CTNNA2: variants seen among roughly 807,000 people sequenced by gnomAD.
CTNNA2 encodes catenin alpha 2, also known as catenin alpha-2.
Under a neutral mutation model 101.0 loss-of-function variants are expected in CTNNA2, and 42 were observed. The observed-to-expected ratio is 0.42, with a 90% CI of 0.32 to 0.54. CTNNA2 has a LOEUF of 0.54. Ranked by LOEUF, CTNNA2 falls within the 20% of genes least tolerant of loss-of-function variation. The pLI is 0.14. For synonymous variants in CTNNA2, 450 were observed against 456.4 expected, an observed-to-expected ratio of 0.99 and a Z score of 0.18; for missense variants, 871 against 1,223.1, an observed-to-expected ratio of 0.71 and a Z score of 4.29.
intron 9 of CTNNA2, among the ~76,000 whole-genome samples, chr2:80,422,639 A>T (rs1000902858): frequency 2.6e-5 from 4 of 152,202 alleles, no homozygotes; most frequent in Non-Finnish European, 2.9e-5. Flanking sequence ...AAATACTTTT[A>T]AAAAACTATG....
At chr2:79,534,234 G>A (rs1246012642) in intron 1 of CTNNA2, among the ~76,000 whole-genome samples, 1 of 151,770 alleles carries the variant, frequency 6.6e-6, no homozygotes, top group Non-Finnish European at 1.5e-5. Context: ...TTATTTTATG[G>A]CTACATTTTA....
At chr2:80,445,570 G>A (rs1279632914) in intron 9 of CTNNA2, among the ~76,000 whole-genome samples, 3 of 152,122 alleles carry the variant, frequency 2.0e-5, no homozygotes, top group Non-Finnish European at 4.4e-5. Context: ...GTCACCAAGG[G>A]GAACATAGTA....
intron 2 of CTNNA2, among the ~76,000 whole-genome samples, chr2:79,280,623 CTGTGTGTGTGTGTG>C (rs369268407): frequency 1.5e-5 from 2 of 129,094 alleles, no homozygotes; most frequent in African/African-American, 3.1e-5. Context: ...ATCCTGTATG[CTGTGTGTGTGTGTG>C]TGTGTGTGTG....
At chr2:79,934,746 C>T (rs1237535674) in intron 7 of CTNNA2, among the ~76,000 whole-genome samples, 1 of 152,142 alleles carries the variant, frequency 6.6e-6, no homozygotes, top group Non-Finnish European at 1.5e-5. Context: ...CTCATTTCCC[C>T]CCAAAAAAGA....
intron 4 of CTNNA2, among the ~76,000 whole-genome samples, chr2:79,404,164 G>C (rs1462510272): frequency 2.0e-5 from 3 of 151,712 alleles, no homozygotes; most frequent in Non-Finnish European, 4.4e-5. Context: ...AAGGGCAATA[G>C]TGTACATTGG....
intron 9 of CTNNA2, among the ~76,000 whole-genome samples, chr2:80,496,998 G>T (rs1171180116): frequency 6.6e-6 from 1 of 152,108 alleles, no homozygotes; most frequent in Non-Finnish European, 1.5e-5. Flanking sequence ...TGAACGAAGC[G>T]CCTGAAAGAA....
At chr2:79,576,680 T>G (rs994254486) in intron 1 of CTNNA2, among the ~76,000 whole-genome samples, 2 of 152,180 alleles carry the variant, frequency 1.3e-5, no homozygotes, top group African/African-American at 4.8e-5. Context: ...TGCTTTTCTC[T>G]CATGCTAGAA....
intron 2 of CTNNA2, among the ~76,000 whole-genome samples, chr2:79,738,071 T>G (rs1486645707): frequency 2.6e-5 from 4 of 152,220 alleles, no homozygotes; most frequent in African/African-American, 7.2e-5. Context: ...ACCGCCATTG[T>G]GCAGGAGTGG....
intron 3 of CTNNA2, among the ~76,000 whole-genome samples, chr2:79,321,183 G>C (rs1485405482): frequency 6.6e-6 from 1 of 152,114 alleles, no homozygotes; most frequent in African/African-American, 2.4e-5. Flanking sequence ...ATGTTAATGA[G>C]ATTATTCCCA....
At chr2:79,409,826 A>G (rs1284487998) in intron 4 of CTNNA2, among the ~76,000 whole-genome samples, 1 of 150,810 alleles carries the variant, frequency 6.6e-6, no homozygotes, top group Non-Finnish European at 1.5e-5. Context: ...GTTTTTTTCC[A>G]ATTCTGTGAA....
At chr2:80,512,416 ACT>A (rs888812823) in intron 9 of CTNNA2, among the ~76,000 whole-genome samples, 1 of 152,038 alleles carries the variant, frequency 6.6e-6, no homozygotes, top group African/African-American at 2.4e-5. Context: ...CATGGCTGAG[ACT>A]CTGGCTGTGT....
chr2:79,592,641 C>T (rs1222445913), intron 1 of CTNNA2, among the ~76,000 whole-genome samples: 1 of 152,234 alleles, frequency 6.6e-6, no homozygotes, highest in Admixed American at 6.5e-5. Context: ...GAGTAAAAAA[C>T]CTGGCTTGTG....
chr2:79,817,424 A>T (rs12477562), intron 3 of CTNNA2, among the ~76,000 whole-genome samples: 33,651 of 149,678 alleles, frequency 0.22, 3,929 homozygotes, highest in East Asian at 0.32. Flanking sequence ...TTGCCATAGA[A>T]TAAGTAGCCT....
intron 7 of CTNNA2, among the ~76,000 whole-genome samples, chr2:80,132,192 G>A (rs1188799158): frequency 6.6e-6 from 1 of 152,112 alleles, no homozygotes; most frequent in Non-Finnish European, 1.5e-5. Context: ...CGTACTGTTA[G>A]CTAGAGCACT....
At chr2:79,656,736 C>T (rs1374765697) in intron 2 of CTNNA2, among the ~76,000 whole-genome samples, 3 of 151,812 alleles carry the variant, frequency 2.0e-5, no homozygotes, top group Non-Finnish European at 4.4e-5. Flanking sequence ...AGTGTCTGAA[C>T]TTTTTATAAA....
rs186199681 is a variant in CTNNA2 at position 79,794,566 on chromosome 2, A to C, written c.298+49984A>C. On this transcript the variant is annotated intron_variant, in intron 3 of 18. Transcript: ENST00000402739. ...CTGCCTTTTCTTTCTTTCTTTATTT[A>C]TTTTGCAGTAACAAAACTTATCATA... Among the ~76,000 whole-genome samples the C allele has an allele frequency of 4.7e-4, 71 of 152,102 alleles. 1 individual carries two copies. Among genetic ancestry groups the C allele is most frequent in the East Asian group, 2.3e-3 (12 of 5,154 alleles).
At chr2:80,562,301 C>T (rs569834721) in intron 12 of CTNNA2, among the ~76,000 whole-genome samples, 6 of 152,302 alleles carry the variant, frequency 3.9e-5, no homozygotes, top group Admixed American at 2.6e-4. Context: ...AGAACCACCT[C>T]AGAAAATACG....
At chr2:80,093,974 T>C (rs1699972376) in intron 7 of CTNNA2, among the ~76,000 whole-genome samples, 1 of 152,072 alleles carries the variant, frequency 6.6e-6, no homozygotes, top group South Asian at 2.1e-4. Context: ...ACTCTGATGG[T>C]AGTTTCTTTT....
At chr2:79,913,603 C>T (rs1327338366) in intron 7 of CTNNA2, among the ~76,000 whole-genome samples, 3 of 152,092 alleles carry the variant, frequency 2.0e-5, no homozygotes, top group Admixed American at 6.5e-5. Context: ...GGAGGCCCTG[C>T]GTCCCGTAAT....
Sources: allele counts gnomAD v4.1 joint callset (sites outside exome capture counted in the v4.1 genomes callset), GRCh38; gene constraint gnomAD v4.1.1; transcripts MANE v1.5; gene names NCBI Gene and HGNC (gene_info 2026-07-23, HGNC 2026-07-21).